UNC13B: variants seen among roughly 807,000 people sequenced by gnomAD.
The protein encoded by UNC13B is protein unc-13 homolog B.
UNC13B carries 144 observed loss-of-function variants against 211.0 expected under a neutral mutation model. The ratio of observed to expected loss-of-function variants is 0.68; its 90% CI spans 0.60 to 0.78. UNC13B has a LOEUF of 0.78. UNC13B is among the 30% of genes least tolerant of loss of function. The pLI is 0.00. For synonymous variants in UNC13B, 709 were observed against 725.8 expected, an observed-to-expected ratio of 0.98 and a Z score of 0.37; for missense variants, 1,777 against 2,002.0, an observed-to-expected ratio of 0.89 and a Z score of 2.14.
At chr9:35,184,590 C>G (rs891762385) in intron 1 of UNC13B, among the ~76,000 whole-genome samples, 2 of 152,172 alleles carry the variant, frequency 1.3e-5, no homozygotes, top group African/African-American at 4.8e-5. Flanking sequence ...CGCCTGCAAT[C>G]CCAGGCACTC....
intron 1 of UNC13B, among the ~76,000 whole-genome samples, chr9:35,180,568 G>A (rs1821881200): frequency 6.6e-6 from 1 of 152,094 alleles, no homozygotes; most frequent in Admixed American, 6.5e-5. Context: ...ACTGCAGGGA[G>A]AGGGCTGTGG....
At chr9:35,206,388 C>T (rs1186045589) in intron 1 of UNC13B, among the ~76,000 whole-genome samples, 1 of 151,984 alleles carries the variant, frequency 6.6e-6, no homozygotes, top group Admixed American at 6.6e-5. Context: ...ACTCCCTTTC[C>T]CTCTATCCCC....
intron 11 of UNC13B, chr9:35,352,756 T>G (rs1396256160): frequency 3.2e-6 from 4 of 1,232,082 alleles, no homozygotes; most frequent in African/African-American, 1.6e-5. Flanking sequence ...GCAGCTGTGA[T>G]GAACTGTCAG....
intron 11 of UNC13B, among the ~76,000 whole-genome samples, chr9:35,329,708 C>T (rs958722091): frequency 6.6e-5 from 10 of 152,142 alleles, no homozygotes; most frequent in Admixed American, 5.9e-4. Context: ...AGGCTGGTCT[C>T]GAACTCCCAA....
At chr9:35,322,249 G>A (rs191925970) in intron 11 of UNC13B, among the ~76,000 whole-genome samples, 2 of 152,252 alleles carry the variant, frequency 1.3e-5, no homozygotes, top group East Asian at 3.9e-4. Context: ...AGTGTGGGTG[G>A]GAGTGGATAT....
intron 1 of UNC13B, among the ~76,000 whole-genome samples, chr9:35,163,928 G>A (rs1228761447): frequency 6.6e-6 from 1 of 152,132 alleles, no homozygotes; most frequent in East Asian, 1.9e-4. Context: ...AAACAAACAG[G>A]TACCTTATAT....
At chr9:35,164,182 A>C (rs1404216668) in intron 1 of UNC13B, among the ~76,000 whole-genome samples, 2 of 152,066 alleles carry the variant, frequency 1.3e-5, no homozygotes, top group Admixed American at 6.6e-5. Context: ...AGGCCCGGCT[A>C]ATTTTTGTAT....
At chr9:35,360,616 C>G (rs1272091855) in intron 11 of UNC13B, 1 of 152,182 alleles carries the variant, frequency 6.6e-6, no homozygotes, top group Non-Finnish European at 1.5e-5. Context: ...AGAACAGTGC[C>G]TAGTGTGCAC....
chr9:35,384,772 A>G, intron 22 of UNC13B: 1 of 966,836 alleles, frequency 1.0e-6, no homozygotes, highest in Non-Finnish European at 1.2e-6. Context: ...GAGCATGTCC[A>G]TTCCTAGTAT....
intron 1 of UNC13B, among the ~76,000 whole-genome samples, chr9:35,191,817 A>C (rs1822675747): frequency 6.6e-6 from 1 of 152,240 alleles, no homozygotes; most frequent in Admixed American, 6.5e-5. Flanking sequence ...CAAGTTTGTT[A>C]CTGACCATTT....
At chr9:35,281,463 C>T (rs931614375) in intron 7 of UNC13B, among the ~76,000 whole-genome samples, 3 of 150,210 alleles carry the variant, frequency 2.0e-5, no homozygotes, top group Non-Finnish European at 4.4e-5. Context: ...TCAGGGAGCT[C>T]AAGTCCAGAG....
At chr9:35,183,925 T>A (rs1342934995) in intron 1 of UNC13B, among the ~76,000 whole-genome samples, 1 of 92,554 alleles carries the variant, frequency 1.1e-5, no homozygotes, top group African/African-American at 4.4e-5. Flanking sequence ...CAAGACGGGG[T>A]GGCGGCAGGG....
chr9:35,178,885 C>CAA (rs35487632), intron 1 of UNC13B, among the ~76,000 whole-genome samples: 127 of 60,984 alleles, frequency 2.1e-3, no homozygotes, highest in Non-Finnish European at 2.6e-3. Flanking sequence ...GAGACAGCCT[C>CAA]AAAAAAAAAA....
chr9:35,228,793 T>C (rs1223666284), intron 2 of UNC13B, among the ~76,000 whole-genome samples: 2 of 151,554 alleles, frequency 1.3e-5, no homozygotes, highest in African/African-American at 2.4e-5. Context: ...GTACAGAATT[T>C]TGTTGTAGAT....
In UNC13B at chr9:35,405,255, C is replaced by A. The variant is rs979403183; in HGVS notation, c.*1222C>A. On this transcript the variant is annotated 3_prime_UTR_variant, in exon 40 of 40. Coordinates refer to ENST00000635942, the MANE Select transcript of UNC13B (RefSeq NM_001371189.2). ...CCATTACATGAAACAAGAAACCAAG[C>A]ATCTTTGCTGTTGTTAATTATTATA... 1 of 152,638 alleles carries A rather than the reference C, an allele frequency of 6.6e-6. No individual in the cohort carries two copies. Among genetic ancestry groups the A allele is most frequent in the African/African-American group, 2.4e-5 (1 of 41,452 alleles). 9.5% of individuals were successfully genotyped at this position (152,638 alleles called of 1,614,324 possible).
At chr9:35,293,990 C>T (rs1029316351) in intron 7 of UNC13B, among the ~76,000 whole-genome samples, 6 of 152,178 alleles carry the variant, frequency 3.9e-5, no homozygotes, top group African/African-American at 1.4e-4. Context: ...CCCTGTCTCC[C>T]ATCTGTACCC....
In UNC13B at chr9:35,399,660, A is replaced by G; in HGVS notation, c.12267A>G (p.Val4089=). ...SHLSKLKDHM[V]REETRNLTPK... ...ATTTCTCTGAACAGGATCACATGGTACGAGAGGAAACACGGAATCTCACTC... is the reference window on the plus strand; with the variant it reads ...ATTTCTCTGAACAGGATCACATGGTGCGAGAGGAAACACGGAATCTCACTC... The change falls in exon 36 of 40, where the codon GTA becomes GTG. Residue 4089 remains valine (V), a synonymous_variant. Coordinates refer to ENST00000635942, the MANE Select transcript of UNC13B (RefSeq NM_001371189.2). 1.9e-6 allele frequency: 3 copies of G among 1,614,142 alleles called. No homozygotes were observed. The highest frequency in any genetic ancestry group is 2.5e-6 in the Non-Finnish European group (3 of 1,180,016).
chr9:35,326,792 C>G (rs759378059), intron 11 of UNC13B, among the ~76,000 whole-genome samples: 2 of 152,144 alleles, frequency 1.3e-5, no homozygotes, highest in Non-Finnish European at 2.9e-5. Flanking sequence ...TATGATCTCT[C>G]AAAATATTTT....
At chr9:35,244,877 G>A (rs1825998042) in intron 6 of UNC13B, among the ~76,000 whole-genome samples, 1 of 152,126 alleles carries the variant, frequency 6.6e-6, no homozygotes, top group East Asian at 1.9e-4. Flanking sequence ...AATGGCATTT[G>A]GGACAAGCAA....
Sources: allele counts gnomAD v4.1 joint callset (sites outside exome capture counted in the v4.1 genomes callset), GRCh38; gene constraint gnomAD v4.1.1; transcripts MANE v1.5; gene names NCBI Gene and HGNC (gene_info 2026-07-23, HGNC 2026-07-21).